DSTYK: variants seen among roughly 807,000 people sequenced by gnomAD.
The protein encoded by DSTYK is dual serine/threonine and tyrosine protein kinase.
Under a neutral mutation model 98.7 loss-of-function variants are expected in DSTYK, and 34 were observed. The observed-to-expected ratio is 0.34, with a 90% CI of 0.26 to 0.46. DSTYK has a LOEUF of 0.46. DSTYK is among the 20% of genes least tolerant of loss of function. The probability of loss-of-function intolerance (pLI) is 1.00; values close to 1 mark genes in which losing one functional copy is unlikely to be tolerated. For missense variants in DSTYK, 962 were observed against 1,181.7 expected (o/e 0.81, Z 2.73); for synonymous variants, 462 against 457.3 (o/e 1.01, Z -0.13).
intron 1 of DSTYK, among the ~76,000 whole-genome samples, chr1:205,196,005 C>T (rs922134561): frequency 1.3e-5 from 2 of 152,128 alleles, no homozygotes; most frequent in Non-Finnish European, 2.9e-5. Context: ...GCATTTGGAA[C>T]GCAGTGTATA....
chr1:205,184,488 C>A (rs1658510284), intron 2 of DSTYK, among the ~76,000 whole-genome samples: 1 of 152,002 alleles, frequency 6.6e-6, no homozygotes, highest in South Asian at 2.1e-4. Flanking sequence ...AAGAGAATCG[C>A]TTGAACCCGG....
rs189480903 is a variant in DSTYK, at chr1:205,172,282, G to A, written c.655-2450C>T. ...TGAGCAGTAGGTATTTTTGATAAAA[G>A]TTTTTCTGTTTGTTTGTGGTTTTTT... On this transcript the variant is annotated intron_variant, in intron 2 of 12. Transcript: ENST00000367162. Among the ~76,000 whole-genome samples the A allele has an allele frequency of 2.7e-4, 40 of 150,158 alleles. No homozygotes were observed. In the East Asian group the frequency reaches 7.9e-3, roughly 30 times the overall value.
intron 2 of DSTYK, among the ~76,000 whole-genome samples, chr1:205,179,434 C>T (rs1255196906): frequency 6.6e-6 from 1 of 151,764 alleles, no homozygotes; most frequent in African/African-American, 2.4e-5. Flanking sequence ...TCCTGGCTAA[C>T]GCGGTTAAAT....
intron 1 of DSTYK, among the ~76,000 whole-genome samples, chr1:205,188,540 T>C (rs917782094): frequency 6.6e-6 from 1 of 152,186 alleles, no homozygotes; most frequent in African/African-American, 2.4e-5. Flanking sequence ...AGAAAACGTA[T>C]GCTAAAAATA....
chr1:205,203,900 G>A (rs1240758201), intron 1 of DSTYK, among the ~76,000 whole-genome samples: 1 of 152,140 alleles, frequency 6.6e-6, no homozygotes, highest in African/African-American at 2.4e-5. Flanking sequence ...GGGCAACAGA[G>A]CGAGACTCTG....
At chr1:205,155,484 C>T (rs1381657454) in intron 10 of DSTYK, among the ~76,000 whole-genome samples, 2 of 151,816 alleles carry the variant, frequency 1.3e-5, no homozygotes, top group East Asian at 2.0e-4. Flanking sequence ...GCCTGGCCAA[C>T]ATGGCAAAAC....
intron 2 of DSTYK, among the ~76,000 whole-genome samples, chr1:205,179,905 A>G (rs1658346527): frequency 6.6e-6 from 1 of 152,180 alleles, no homozygotes; most frequent in African/African-American, 2.4e-5. Flanking sequence ...GAAGGAAACA[A>G]ACAAATATGT....
intron 1 of DSTYK, among the ~76,000 whole-genome samples, chr1:205,192,801 G>A (rs1452607248): frequency 6.6e-6 from 1 of 152,182 alleles, no homozygotes; most frequent in Non-Finnish European, 1.5e-5. Context: ...GGCAGAGGTT[G>A]TAGTGAGCCG....
At chr1:205,197,263 G>A (rs1013486966) in intron 1 of DSTYK, among the ~76,000 whole-genome samples, 13 of 152,178 alleles carry the variant, frequency 8.5e-5, no homozygotes, top group Non-Finnish European at 1.5e-5. Flanking sequence ...GATCATAGAA[G>A]CACATCCTTG....
chr1:205,161,906 G>T, intron 6 of DSTYK, 130 bp downstream of exon 6: 1 of 700,028 alleles, frequency 1.4e-6, no homozygotes, highest in Non-Finnish European at 2.2e-6. Flanking sequence ...GTATATATAT[G>T]TGTATATATA....
At chr1:205,198,727 AC>A (rs1658941348) in intron 1 of DSTYK, among the ~76,000 whole-genome samples, 1 of 152,162 alleles carries the variant, frequency 6.6e-6, no homozygotes, top group Non-Finnish European at 1.5e-5. Flanking sequence ...TTTAAAAAAA[AC>A]AAAAACAAAA....
At position 205,162,149 on chromosome 1, in the gene DSTYK, C is replaced by T. The variant is rs1657745115; in HGVS notation, c.1705G>A (p.Ala569Thr). Reference sequence around the variant, plus strand: ...CTGAGGCTCTCAATGGCTTCCTGGGCCACCTTCCTCTTCCATTCCAGAGTG... The same window carrying T: ...CTGAGGCTCTCAATGGCTTCCTGGGTCACCTTCCTCTTCCATTCCAGAGTG... ...AITLEWKRKV[A>T]QEAIESLSAS... The change falls in exon 6 of 13, where the codon GCC becomes ACC. Residue 569 changes from alanine to threonine, a missense_variant. Physicochemically the swap from Ala to Thr is moderately conservative, Grantham distance 58. Coordinates refer to ENST00000367162, the MANE Select transcript of DSTYK (RefSeq NM_015375.3). The T allele has an allele frequency of 6.2e-7, 1 of 1,614,036 alleles. No homozygotes were observed. Among genetic ancestry groups the T allele is most frequent in the Non-Finnish European group, 8.5e-7 (1 of 1,180,010 alleles).
intron 6 of DSTYK, among the ~76,000 whole-genome samples, chr1:205,161,597 C>T (rs942462543): frequency 3.9e-5 from 6 of 152,162 alleles, no homozygotes; most frequent in African/African-American, 1.2e-4. Flanking sequence ...CATCTATCCA[C>T]TCTCTGCCTG....
chr1:205,202,043 G>A (rs1659054876), intron 1 of DSTYK: 1 of 365,844 alleles, frequency 2.7e-6, no homozygotes, highest in African/African-American at 2.2e-5. Flanking sequence ...CTGGGCATCA[G>A]GAAAGGAAAT....
chr1:205,143,724 T>C lies in DSTYK; in HGVS notation c.*3834A>G, dbSNP rs775455603. On this transcript the variant is annotated 3_prime_UTR_variant, in exon 13 of 13. Transcript: ENST00000367162. ...CTGCAACCCCGAGGCACTTCTTCCATGAGGAAGAACACTTTGTGACCCTTC... is the reference window on the plus strand; with the variant it reads ...CTGCAACCCCGAGGCACTTCTTCCACGAGGAAGAACACTTTGTGACCCTTC... 2.6e-5 allele frequency: 4 copies of C among 152,582 alleles called. No homozygotes were observed. The highest frequency in any genetic ancestry group is 5.9e-5 in the Non-Finnish European group (4 of 68,026). 9.5% of individuals were successfully genotyped at this position (152,582 alleles called of 1,614,324 possible). A position where few individuals can be genotyped will look rare whatever the true frequency, so the allele number is the denominator to read the frequency against.
At chr1:205,159,759 A>G (rs1657663960) in intron 8 of DSTYK, 80 bp from the exon 9 acceptor site, 12 of 1,572,120 alleles carry the variant, frequency 7.6e-6, no homozygotes, top group Non-Finnish European at 9.5e-6. Context: ...TGAGACAATA[A>G]TTTCCAGACC....
At chr1:205,168,451 T>G (rs1290444310) in intron 3 of DSTYK, among the ~76,000 whole-genome samples, 1 of 152,192 alleles carries the variant, frequency 6.6e-6, no homozygotes, top group South Asian at 2.1e-4. Flanking sequence ...AAATCGTGAG[T>G]AAGTCTGCAG....
rs1466513242 is a variant in DSTYK at position 205,161,296 on chromosome 1, G to A, written c.1910C>T (p.Ser637Phe). ...KDHAPRLARL[S>F]LESCSLQDVL... ...ATCCTGTAAAGAACAGCTTTCCAGA[G>A]AAAGGCGGGCCAGGCGGGGAGCATG... Residue 637 changes from serine to phenylalanine, a missense_variant, in exon 7 of 13, where the codon TCT (serine) becomes TTT (phenylalanine). Coordinates refer to ENST00000367162, the MANE Select transcript of DSTYK (RefSeq NM_015375.3). 1 of 1,614,026 alleles carries A rather than the reference G, an allele frequency of 6.2e-7. No individual in the cohort carries two copies. Among genetic ancestry groups the A allele is most frequent in the African/African-American group, 1.3e-5 (1 of 74,922 alleles).
intron 10 of DSTYK, among the ~76,000 whole-genome samples, chr1:205,154,877 C>T (rs1168151345): frequency 6.6e-6 from 1 of 152,172 alleles, no homozygotes; most frequent in African/African-American, 2.4e-5. Flanking sequence ...GTCACTATTG[C>T]TGTGCAAGGA....
Sources: allele counts gnomAD v4.1 joint callset (sites outside exome capture counted in the v4.1 genomes callset), GRCh38; gene constraint gnomAD v4.1.1; transcripts MANE v1.5; gene names NCBI Gene and HGNC (gene_info 2026-07-23, HGNC 2026-07-21).